Variants in GALNT14 observed in about 807,000 individuals in gnomAD.
GALNT14 encodes the protein UDP-GalNAc:polypeptide N-acetylgalactosaminyltransferase 14.
GALNT14 carries 60 observed loss-of-function variants against 77.5 expected under a neutral mutation model. The ratio of observed to expected loss-of-function variants is 0.77; its 90% CI spans 0.63 to 0.96. The LOEUF (loss-of-function observed/expected upper bound fraction) is 0.96. GALNT14 is among the 40% of genes least tolerant of loss of function. The pLI is 0.00. For missense variants in GALNT14, 710 were observed against 731.0 expected, an observed-to-expected ratio of 0.97 and a Z score of 0.33; for synonymous variants, 280 against 281.7, an observed-to-expected ratio of 0.99 and a Z score of 0.06.
chr2:30,994,258 T>G (rs1440713223), intron 1 of GALNT14, among the ~76,000 whole-genome samples: 1 of 152,142 alleles, frequency 6.6e-6, no homozygotes, highest in African/African-American at 2.4e-5. Context: ...GGGTACTAAC[T>G]AAGGGCACTG....
intron 1 of GALNT14, among the ~76,000 whole-genome samples, chr2:31,048,201 G>A (rs554986982): frequency 1.3e-5 from 2 of 152,326 alleles, no homozygotes; most frequent in Middle Eastern, 3.4e-3. Context: ...CACCTGCAAG[G>A]ACCACCAGGT....
At chr2:31,053,283 C>T (rs867496614) in intron 1 of GALNT14, among the ~76,000 whole-genome samples, 3 of 152,030 alleles carry the variant, frequency 2.0e-5, no homozygotes, top group African/African-American at 4.8e-5. Context: ...ACCCTGACTC[C>T]GGGGGGCAGT....
At chr2:30,928,172 G>T (rs534740321) in intron 11 of GALNT14, among the ~76,000 whole-genome samples, 1 of 152,084 alleles carries the variant, frequency 6.6e-6, no homozygotes, top group East Asian at 1.9e-4. Flanking sequence ...TGGATTTATG[G>T]TTTCAGAGAT....
At chr2:31,114,710 C>G (rs879201651) in intron 1 of GALNT14, 1 of 713,780 alleles carries the variant, frequency 1.4e-6, no homozygotes, top group South Asian at 1.5e-5. Context: ...ACAAAAGAGA[C>G]AAGAATTTAA....
chr2:30,955,870 G>A (rs373670225), intron 5 of GALNT14, 42 bp downstream of exon 5: 191 of 1,612,058 alleles, frequency 1.2e-4, no homozygotes, highest in Non-Finnish European at 1.5e-4. Flanking sequence ...TCGACCCCCC[G>A]ACACTCACAC....
chr2:31,051,932 C>T (rs531152088), intron 1 of GALNT14, among the ~76,000 whole-genome samples: 43 of 152,258 alleles, frequency 2.8e-4, no homozygotes, highest in African/African-American at 8.7e-4. Context: ...GCCCACCCAA[C>T]TCTCATTTTC....
intron 1 of GALNT14, among the ~76,000 whole-genome samples, chr2:31,101,903 G>C (rs1310470714): frequency 6.6e-6 from 1 of 151,994 alleles, no homozygotes; most frequent in African/African-American, 2.4e-5. Context: ...CATGAGAGCC[G>C]ATGGTTTTAT....
intron 1 of GALNT14, among the ~76,000 whole-genome samples, chr2:31,040,248 C>T (rs1424051936): frequency 6.6e-6 from 1 of 152,070 alleles, no homozygotes; most frequent in Non-Finnish European, 1.5e-5. Context: ...TTTTGTTTTA[C>T]ATTACTGAAA....
chr2:30,912,343 C>T lies in GALNT14; in HGVS notation c.1381-1G>A. The T allele has an allele frequency of 6.2e-7, 1 of 1,613,834 alleles. No homozygotes were observed. The highest frequency in any genetic ancestry group is 8.5e-7 in the Non-Finnish European group (1 of 1,179,894). The stretch of plus-strand genomic sequence containing the variant: ...GCTGGGTGTATGTGAAGGCCCATAC[C>T]TGGGGAGAAAGAGACCAGGAAGGTT... On this transcript the variant is annotated splice_acceptor_variant, in intron 13 of 14. Transcript: ENST00000349752. LOFTEE classifies it high-confidence loss of function.
chr2:31,057,546 C>T (rs1674312672), intron 1 of GALNT14, among the ~76,000 whole-genome samples: 1 of 151,642 alleles, frequency 6.6e-6, no homozygotes, highest in African/African-American at 2.4e-5. Flanking sequence ...TCTAGGACCA[C>T]ATGAAAGGCA....
chr2:31,131,569 T>C (rs1330338703), intron 1 of GALNT14, among the ~76,000 whole-genome samples: 2 of 152,076 alleles, frequency 1.3e-5, no homozygotes, highest in East Asian at 1.9e-4. Flanking sequence ...ACATTAGAAA[T>C]GAAACAAGGG....
intron 2 of GALNT14, among the ~76,000 whole-genome samples, chr2:30,985,352 A>G (rs183014952): frequency 1.2e-3 from 180 of 152,334 alleles, no homozygotes; most frequent in African/African-American, 4.2e-3. Flanking sequence ...CAGGCACTCA[A>G]AGAACACAGG....
intron 1 of GALNT14, among the ~76,000 whole-genome samples, chr2:31,024,216 T>C (rs748896583): frequency 1.4e-4 from 21 of 152,184 alleles, no homozygotes; most frequent in Non-Finnish European, 2.2e-4. Flanking sequence ...CCTGACCCCA[T>C]CTCTTACCTG....
intron 10 of GALNT14, 98 bp from the exon 11 acceptor site, chr2:30,929,585 A>ACAC (rs1665604803): frequency 2.4e-6 from 2 of 843,508 alleles, no homozygotes; most frequent in Non-Finnish European, 1.9e-6. Context: ...TGAGTTGGCA[A>ACAC]CACCACCTAG....
chr2:31,092,212 G>A (rs1011757492), intron 1 of GALNT14, among the ~76,000 whole-genome samples: 7 of 151,922 alleles, frequency 4.6e-5, no homozygotes, highest in Admixed American at 1.3e-4. Context: ...AGTCTATTGT[G>A]GGACCTCACC....
chr2:30,965,353 A>T (rs1336272886), intron 3 of GALNT14, among the ~76,000 whole-genome samples: 1 of 149,748 alleles, frequency 6.7e-6, no homozygotes, highest in Non-Finnish European at 1.5e-5. Flanking sequence ...TGCGCAGAGG[A>T]GCTGGAGTGA....
intron 10 of GALNT14, among the ~76,000 whole-genome samples, chr2:30,931,734 G>A (rs1305056841): frequency 2.6e-5 from 4 of 152,096 alleles, no homozygotes; most frequent in Non-Finnish European, 5.9e-5. Context: ...AAGTAAAAAG[G>A]GCTGCCCTTC....
intron 1 of GALNT14, among the ~76,000 whole-genome samples, chr2:31,044,243 A>G (rs1673281798): frequency 2.6e-5 from 4 of 152,118 alleles, no homozygotes. Context: ...AAAATAATAC[A>G]CCACTCATCT....
intron 1 of GALNT14, among the ~76,000 whole-genome samples, chr2:31,053,901 C>A (rs1403576477): frequency 6.6e-6 from 1 of 152,214 alleles, no homozygotes; most frequent in Non-Finnish European, 1.5e-5. Flanking sequence ...TTCTGGGCTT[C>A]TCTTACCAGA....
Sources: gnomAD v4.1 joint callset for allele counts (sites outside exome capture counted in the v4.1 genomes callset) on GRCh38, gnomAD v4.1.1 for gene constraint, MANE v1.5 for transcripts, NCBI Gene and HGNC (gene_info 2026-07-23, HGNC 2026-07-21) for gene names.